Variants in ZNF616 observed in about 807,000 individuals in gnomAD.
The protein encoded by ZNF616 is zinc finger protein 616.
ZNF616 carries 5 observed loss-of-function variants against 7.6 expected under a neutral mutation model. The observed-to-expected ratio is 0.66, with a 90% CI of 0.34 to 1.38. The LOEUF (loss-of-function observed/expected upper bound fraction) is 1.38. Among genes scored for constraint, ZNF616 ranks in the 40% most tolerant of loss-of-function variants. The pLI, the probability that ZNF616 is intolerant of heterozygous loss-of-function variation, is 0.04. For synonymous variants in ZNF616, 319 were observed against 317.2 expected (o/e 1.01, Z -0.06); for missense variants, 913 against 948.3 (o/e 0.96, Z 0.49).
At position 52,139,558 on chromosome 19, in the gene ZNF616, GC is replaced by G. The variant is rs1187940302; in HGVS notation, c.-77+173del. 6.6e-6 allele frequency among the ~76,000 whole-genome samples: 1 copy of G among 152,218 alleles called. No individual in the cohort carries two copies. The highest frequency in any genetic ancestry group is 1.5e-5 in the Non-Finnish European group (1 of 68,044). On this transcript the variant is annotated intron_variant, in intron 1 of 3. Transcript: ENST00000600228. This position sits in a 1 kb window ranked among gnomAD's most constrained non-coding sequence, Gnocchi z 4.1. ...GTCTCGACTGGTGGGAATCCACCTC[GC>G]GAGGGAGGACTTGACTTCGCCCGGG... is the stretch of plus-strand genomic sequence containing the variant.
At chr19:52,130,714 G>T (rs546215462) in intron 1 of ZNF616, 126 bp from the exon 2 acceptor site, 137 of 652,832 alleles carry the variant, frequency 2.1e-4, no homozygotes, top group Non-Finnish European at 3.3e-4. Context: ...GGGGATGCAA[G>T]AATAATAAAT....
intron 1 of ZNF616, among the ~76,000 whole-genome samples, chr19:52,137,780 T>TA (rs1046289904): frequency 2.6e-5 from 4 of 151,932 alleles, no homozygotes; most frequent in African/African-American, 9.7e-5. Context: ...GGGTAAAAGT[T>TA]AAAAAAAGGC....
In ZNF616 at chr19:52,116,946, G is replaced by A; in HGVS notation, c.218C>T (p.Ala73Val). ...SNTGERFQTV[A>V]LERHQSYDIE... ...ATCATAGCTTTGATGTCTTTCCAGT[G>A]CCACTGTTTGGAACCTTTCTCCTGT... The change falls in exon 4 of 4, where the codon GCA (alanine) becomes GTA (valine). Residue 73 changes from alanine to valine, a missense_variant. Physicochemically the swap from Ala to Val is moderately conservative, Grantham distance 64. Coordinates refer to ENST00000600228, the MANE Select transcript of ZNF616 (RefSeq NM_178523.5). 1 of 1,613,582 alleles carries A rather than the reference G, an allele frequency of 6.2e-7. No homozygotes were observed. The highest frequency in any genetic ancestry group is 1.1e-5 in the South Asian group (1 of 90,914).
Position 52,127,289 on chromosome 19 carries a change from A to G in ZNF616, c.12+3212T>C, listed in dbSNP as rs899683711. ...AGGCTGGTCTTGAACTCCTGACCTCAGGTGATCCACCCACCTTGGCCTCCC... is the reference window on the plus strand; with the variant it reads ...AGGCTGGTCTTGAACTCCTGACCTCGGGTGATCCACCCACCTTGGCCTCCC... On this transcript the variant is annotated intron_variant, in intron 2 of 3. Transcript: ENST00000600228. Among the ~76,000 whole-genome samples, 4 of 152,288 alleles carry G rather than the reference A, an allele frequency of 2.6e-5. No individual in the cohort carries two copies. In the East Asian group the frequency reaches 7.7e-4, roughly 29 times the overall value.
chr19:52,127,238 A>T (rs2088917241), intron 2 of ZNF616, among the ~76,000 whole-genome samples: 1 of 152,196 alleles, frequency 6.6e-6, no homozygotes, highest in Non-Finnish European at 1.5e-5. Flanking sequence ...TATTTTCAGT[A>T]GAGACAGGGT....
chr19:52,119,066 T>A (rs1358036750), intron 3 of ZNF616, among the ~76,000 whole-genome samples: 1 of 152,122 alleles, frequency 6.6e-6, no homozygotes, highest in Admixed American at 6.5e-5. Context: ...TATTCAGCCA[T>A]CCCCATGAAT....
At chr19:52,121,383 T>A (rs1370959086) in intron 3 of ZNF616, among the ~76,000 whole-genome samples, 1 of 152,098 alleles carries the variant, frequency 6.6e-6, no homozygotes, top group Non-Finnish European at 1.5e-5. Flanking sequence ...AAAATTAGAA[T>A]ATCAAAAAAT....
intron 2 of ZNF616, among the ~76,000 whole-genome samples, chr19:52,126,010 G>T (rs79528137): frequency 0.029 from 4,431 of 152,176 alleles, 100 homozygotes; most frequent in South Asian, 0.048. Flanking sequence ...GAAAAAGCAT[G>T]GGAAGTCTCC....
At chr19:52,118,359 G>A (rs8111921) in intron 3 of ZNF616, among the ~76,000 whole-genome samples, 3,055 of 152,240 alleles carry the variant, frequency 0.02, 112 homozygotes, top group African/African-American at 0.07. Context: ...ACACTGTTTG[G>A]AAGAAACTAC....
chr19:52,123,866 G>A (rs1300169094), intron 3 of ZNF616, 57 bp downstream of exon 3: 3 of 1,608,110 alleles, frequency 1.9e-6, no homozygotes, highest in African/African-American at 1.3e-5. Flanking sequence ...AGACAACAGA[G>A]GAAATACAAA....
At position 52,115,017 on chromosome 19, in the gene ZNF616, C is replaced by A; in HGVS notation, c.2147G>T (p.Arg716Ile). 9 of 1,613,822 alleles carry A rather than the reference C, an allele frequency of 5.6e-6. No homozygotes were observed. Among genetic ancestry groups the A allele is most frequent in the Non-Finnish European group, 7.6e-6 (9 of 1,179,906 alleles). ...TTTGCCACATTCAATACATTTGTAT[C>A]TTTTCTCTCCAGTGTGGATTCTCTG... ...SHQRIHTGEK[R>I]YKCIECGKAF... is the part of the protein sequence containing the mutation. Residue 716 changes from arginine to isoleucine, a missense_variant, in exon 4 of 4, where the codon AGA (arginine) becomes ATA (isoleucine). Transcript: ENST00000600228.
At chr19:52,125,775 G>A (rs1050714407) in intron 2 of ZNF616, among the ~76,000 whole-genome samples, 4 of 152,142 alleles carry the variant, frequency 2.6e-5, no homozygotes, top group Admixed American at 2.6e-4. Flanking sequence ...GACCTCCTGT[G>A]GTAGCACTGA....
intron 1 of ZNF616, among the ~76,000 whole-genome samples, chr19:52,135,724 A>G (rs758258826): frequency 5.1e-4 from 77 of 152,136 alleles, no homozygotes; most frequent in Non-Finnish European, 9.7e-4. Context: ...TCCTCAATAA[A>G]CATCCTGAAG....
intron 2 of ZNF616, among the ~76,000 whole-genome samples, chr19:52,128,197 A>AC (rs1259299389): frequency 1.3e-5 from 2 of 152,016 alleles, no homozygotes; most frequent in Non-Finnish European, 2.9e-5. Context: ...AAAAAAAAAA[A>AC]AAAAAAACTT....
intron 1 of ZNF616, among the ~76,000 whole-genome samples, chr19:52,132,006 G>A (rs2088964547): frequency 6.6e-6 from 1 of 152,152 alleles, no homozygotes; most frequent in South Asian, 2.1e-4. Flanking sequence ...AATGAGGTCA[G>A]AGAGGTCCCG....
rs763201370 is a variant in ZNF616, at chr19:52,115,158, G to A, written c.2006C>T (p.Thr669Ile). The A allele has an allele frequency of 2.5e-6, 4 of 1,613,988 alleles. No homozygotes were observed. Among genetic ancestry groups the A allele is most frequent in the Non-Finnish European group, 3.4e-6 (4 of 1,179,980 alleles). The change falls in exon 4 of 4, where the codon ACC becomes ATC. Residue 669 changes from threonine to isoleucine, a missense_variant. By Grantham distance (89) the Thr-to-Ile change is moderately conservative. Coordinates refer to ENST00000600228, the MANE Select transcript of ZNF616 (RefSeq NM_178523.5). ...AGTGAGGTTTGAGCTCCGTTTAAAG[G>A]TTTTGCCACACTCATTACATTTGTA... ...RPYKCNECGKTFKRSSNLTAH... is the reference protein window; with the variant it reads ...RPYKCNECGKIFKRSSNLTAH...
intron 1 of ZNF616, among the ~76,000 whole-genome samples, chr19:52,135,839 T>C (rs528296292): frequency 6.6e-6 from 1 of 152,224 alleles, no homozygotes; most frequent in South Asian, 2.1e-4. Context: ...TAAAGTTCTT[T>C]GATGTTGGGC....
At position 52,119,004 on chromosome 19, in the gene ZNF616, T is replaced by C. The variant is rs147563170; in HGVS notation, c.140-1980A>G. Among the ~76,000 whole-genome samples, 592 of 152,230 alleles carry C rather than the reference T, an allele frequency of 3.9e-3. 4 individuals are homozygous for C. Among genetic ancestry groups the C allele is most frequent in the Middle Eastern group, 0.02 (6 of 294 alleles). On this transcript the variant is annotated intron_variant, in intron 3 of 3. Transcript: ENST00000600228. ...GCAGGTAACAGGTCACCCCAAATAC[T>C]AAGAGTGTATAAAGAAATACTTCAA...
At chr19:52,122,930 G>A (rs71358863) in intron 3 of ZNF616, among the ~76,000 whole-genome samples, 12 of 152,090 alleles carry the variant, frequency 7.9e-5, no homozygotes, top group South Asian at 6.2e-4. Context: ...CACCGTGCCC[G>A]GTCTCATTAA....
Sources: allele counts gnomAD v4.1 joint callset (sites outside exome capture counted in the v4.1 genomes callset), GRCh38; gene constraint gnomAD v4.1.1; non-coding constraint Gnocchi (gnomAD v3.1); transcripts MANE v1.5; gene names NCBI Gene and HGNC (gene_info 2026-07-23, HGNC 2026-07-21).